Variants in COMMD10 observed in about 807,000 individuals in gnomAD.
The protein encoded by COMMD10 is COMM domain-containing protein 10.
In COMMD10, 33 loss-of-function variants were observed where a neutral mutation model predicts 28.9. The observed-to-expected ratio is 1.14, with a 90% CI of 0.87 to 1.53. The LOEUF (loss-of-function observed/expected upper bound fraction) is 1.53, where lower values mean the gene tolerates loss of function less well. Ranked by LOEUF, COMMD10 falls within the 40% of genes most tolerant of loss-of-function variation. COMMD10 has a pLI of 0.00. For synonymous variants in COMMD10, 110 were observed against 81.7 expected (o/e 1.35, Z -1.87); for missense variants, 310 against 233.4 (o/e 1.33, Z -2.14).
intron 5 of COMMD10, among the ~76,000 whole-genome samples, chr5:116,145,675 C>T (rs571803206): frequency 2.0e-5 from 3 of 151,984 alleles, no homozygotes; most frequent in Non-Finnish European, 2.9e-5. Context: ...ACAATCCCCA[C>T]GTGTCAAGGG....
intron 5 of COMMD10, among the ~76,000 whole-genome samples, chr5:116,225,173 T>G (rs562708251): frequency 9.9e-5 from 15 of 152,118 alleles, no homozygotes; most frequent in African/African-American, 3.6e-4. Context: ...CTCTTGAGAT[T>G]TATTCTGTGT....
At chr5:116,176,985 A>G (rs150803532) in intron 5 of COMMD10, among the ~76,000 whole-genome samples, 2 of 152,292 alleles carry the variant, frequency 1.3e-5, no homozygotes, top group African/African-American at 4.8e-5. Flanking sequence ...TAGAGAAGGT[A>G]CAATCTGCTA....
intron 5 of COMMD10, among the ~76,000 whole-genome samples, chr5:116,164,052 C>CA (rs1753011969): frequency 6.6e-6 from 1 of 152,070 alleles, no homozygotes; most frequent in Non-Finnish European, 1.5e-5. Context: ...CCTGGTGGCT[C>CA]ACGTCTGTAA....
chr5:116,164,198 A>G (rs1469807078), intron 5 of COMMD10, among the ~76,000 whole-genome samples: 3 of 152,022 alleles, frequency 2.0e-5, no homozygotes, highest in East Asian at 1.9e-4. Context: ...GCGCACGCCT[A>G]TAATCCCAGC....
At chr5:116,145,353 C>T (rs1286371322) in intron 5 of COMMD10, among the ~76,000 whole-genome samples, 2 of 151,704 alleles carry the variant, frequency 1.3e-5, no homozygotes, top group African/African-American at 4.8e-5. Flanking sequence ...TGCTCAGGTG[C>T]ACATGTGGAG....
intron 5 of COMMD10, among the ~76,000 whole-genome samples, chr5:116,162,891 T>TA (rs968098349): frequency 2.0e-5 from 3 of 152,010 alleles, no homozygotes; most frequent in Non-Finnish European, 2.9e-5. Flanking sequence ...AATTATCAGA[T>TA]ATTCAGAGCC....
intron 5 of COMMD10, among the ~76,000 whole-genome samples, chr5:116,200,654 G>C (rs73257286): frequency 0.21 from 32,094 of 151,740 alleles, 5,634 homozygotes; most frequent in African/African-American, 0.49. Context: ...GAAGTTTTCT[G>C]TTGAGATATT....
intron 5 of COMMD10, among the ~76,000 whole-genome samples, chr5:116,255,068 C>G (rs189210112): frequency 5.9e-5 from 9 of 151,752 alleles, no homozygotes; most frequent in African/African-American, 2.2e-4. Flanking sequence ...TTCTTTGTCT[C>G]TTTTGATCTT....
intron 5 of COMMD10, among the ~76,000 whole-genome samples, chr5:116,200,604 G>T (rs937503914): frequency 1.3e-5 from 2 of 151,346 alleles, no homozygotes; most frequent in South Asian, 2.1e-4. Flanking sequence ...TGGGTTTTTT[G>T]TTTTGTTTTG....
At chr5:116,266,264 C>T (rs1294664733) in intron 5 of COMMD10, among the ~76,000 whole-genome samples, 1 of 151,520 alleles carries the variant, frequency 6.6e-6, no homozygotes, top group Non-Finnish European at 1.5e-5. Context: ...TGCATGTTTT[C>T]ATTTAAAATT....
Position 116,087,603 on chromosome 5 carries a change from T to G in COMMD10, c.132+16T>G, listed in dbSNP as rs988491361. ...TCACCTGAAGGTTTGTATTTGTGTG[T>G]TTCCATGCCTTGTAATCTTCCTTCT... is the stretch of plus-strand genomic sequence containing the variant. On this transcript the variant is annotated intron_variant, in intron 2 of 6. Coordinates refer to ENST00000274458, the MANE Select transcript of COMMD10 (RefSeq NM_016144.4). 1.3e-6 allele frequency: 2 copies of G among 1,502,872 alleles called. No homozygotes were observed. The highest frequency in any genetic ancestry group is 1.9e-6 in the Non-Finnish European group (2 of 1,079,304). 93.1% of individuals were successfully genotyped at this position (1,502,872 alleles called of 1,614,324 possible).
intron 4 of COMMD10, among the ~76,000 whole-genome samples, chr5:116,112,962 C>G (rs550111003): frequency 7.9e-4 from 121 of 152,254 alleles, no homozygotes; most frequent in Non-Finnish European, 1.6e-3. Flanking sequence ...ATTGTCCTGT[C>G]TCTTCCAAGT....
chr5:116,157,454 T>A (rs1508871), intron 5 of COMMD10, among the ~76,000 whole-genome samples: 7,527 of 152,214 alleles, frequency 0.049, 268 homozygotes, highest in Admixed American at 0.093. Context: ...TTTTAATCAG[T>A]GGGATGAGTG....
At chr5:116,229,394 A>T (rs1234939722) in intron 5 of COMMD10, among the ~76,000 whole-genome samples, 1 of 152,020 alleles carries the variant, frequency 6.6e-6, no homozygotes, top group Non-Finnish European at 1.5e-5. Context: ...AAAAAGATCG[A>T]ATTTACCTTC....
chr5:116,165,229 A>C (rs1753050777), intron 5 of COMMD10, among the ~76,000 whole-genome samples: 1 of 152,158 alleles, frequency 6.6e-6, no homozygotes, highest in South Asian at 2.1e-4. Context: ...TGAAAAGCAT[A>C]CCTCAGGCTA....
chr5:116,185,229 T>G (rs944268106), intron 5 of COMMD10, among the ~76,000 whole-genome samples: 2 of 128,132 alleles, frequency 1.6e-5, no homozygotes, highest in Non-Finnish European at 3.0e-5. Flanking sequence ...GCATAGAATT[T>G]TTACTTTTTT....
At chr5:116,174,294 G>A (rs138345130) in intron 5 of COMMD10, among the ~76,000 whole-genome samples, 9 of 152,278 alleles carry the variant, frequency 5.9e-5, no homozygotes, top group African/African-American at 2.2e-4. Context: ...TGTGGCAGGA[G>A]TAGAGTATGT....
chr5:116,232,604 G>A (rs1211788080), intron 5 of COMMD10, among the ~76,000 whole-genome samples: 1 of 152,080 alleles, frequency 6.6e-6, no homozygotes, highest in Non-Finnish European at 1.5e-5. Flanking sequence ...TGGAGGCTGA[G>A]ACAAGAGAAT....
At chr5:116,168,471 G>T (rs1753206579) in intron 5 of COMMD10, among the ~76,000 whole-genome samples, 1 of 152,030 alleles carries the variant, frequency 6.6e-6, no homozygotes, top group South Asian at 2.1e-4. Context: ...CTCAGCGCTG[G>T]ACCAAGCAGA....
Sources: allele counts gnomAD v4.1 joint callset (sites outside exome capture counted in the v4.1 genomes callset), GRCh38; gene constraint gnomAD v4.1.1; transcripts MANE v1.5; gene names NCBI Gene and HGNC (gene_info 2026-07-23, HGNC 2026-07-21).